SGCD: variants seen among roughly 807,000 people sequenced by gnomAD.
SGCD encodes delta-sarcoglycan.
A neutral mutation model predicts 36.6 loss-of-function variants in SGCD; 18 were observed. That is an observed-to-expected ratio of 0.49 (90% CI 0.34 to 0.73). The LOEUF (loss-of-function observed/expected upper bound fraction) is 0.73. Ranked by LOEUF, SGCD falls within the 30% of genes least tolerant of loss-of-function variation. The probability of loss-of-function intolerance (pLI) is 0.01; values close to 1 mark genes in which losing one functional copy is unlikely to be tolerated. For missense variants in SGCD, 387 were observed against 346.7 expected, an observed-to-expected ratio of 1.12 and a Z score of -0.92; for synonymous variants, 133 against 130.6, an observed-to-expected ratio of 1.02 and a Z score of -0.12.
At chr5:156,122,764 C>A (rs183211888) in intron 2 of SGCD, among the ~76,000 whole-genome samples, 1 of 141,614 alleles carries the variant, frequency 7.1e-6, no homozygotes. Context: ...GAGTACCAGC[C>A]CTAGTCTGAG....
chr5:155,744,277 C>T, the SGCD span, among the ~76,000 whole-genome samples: 6 of 152,030 alleles, frequency 3.9e-5, no homozygotes, highest in African/African-American at 7.2e-5. Flanking sequence ...CTGGCTAACA[C>T]GGTGAAACCT....
chr5:156,299,714 C>T (rs1581228171), intron 3 of SGCD, among the ~76,000 whole-genome samples: 1 of 152,044 alleles, frequency 6.6e-6, no homozygotes, highest in Admixed American at 6.6e-5. Flanking sequence ...AATGGGATTA[C>T]TTTCTTGATT....
rs1338125947 is a variant in SGCD at position 156,130,371 on chromosome 5, T to G, written c.-44+6352T>G. Among the ~76,000 whole-genome samples, 6 of 152,384 alleles carry G rather than the reference T, an allele frequency of 3.9e-5. No individual in the cohort carries two copies. In the East Asian group the frequency reaches 1.2e-3, roughly 29 times the overall value. Reference sequence around the variant, plus strand: ...CTTGTAAATTTAACTTCCTTGTAGATGCTGGACATTAGACCTTTGTCATAT... The same window carrying G: ...CTTGTAAATTTAACTTCCTTGTAGAGGCTGGACATTAGACCTTTGTCATAT... On this transcript the variant is annotated intron_variant, in intron 3 of 9. Coordinates refer to the SGCD transcript ENST00000517913.
chr5:155,986,283 T>C (rs983929357), intron 1 of SGCD, among the ~76,000 whole-genome samples: 1 of 152,244 alleles, frequency 6.6e-6, no homozygotes, highest in Non-Finnish European at 1.5e-5. Context: ...AAGGTTCTTA[T>C]GCTCCTGAAC....
chr5:156,299,833 T>C (rs1767002740), intron 3 of SGCD, among the ~76,000 whole-genome samples: 1 of 152,190 alleles, frequency 6.6e-6, no homozygotes, highest in Non-Finnish European at 1.5e-5. Flanking sequence ...AATCTTTTTT[T>C]GGTGGAGTCT....
intron 1 of SGCD, among the ~76,000 whole-genome samples, chr5:155,892,971 G>A (rs1395816950): frequency 6.6e-6 from 1 of 152,166 alleles, no homozygotes; most frequent in Non-Finnish European, 1.5e-5. Context: ...GCGGTGGTTT[G>A]GGAGGAAGAG....
At chr5:156,634,464 A>C (rs895060983) in intron 6 of SGCD, among the ~76,000 whole-genome samples, 1 of 145,032 alleles carries the variant, frequency 6.9e-6, no homozygotes, top group Non-Finnish European at 1.5e-5. Flanking sequence ...AACAGCAACA[A>C]CAACAACAAC....
intron 4 of SGCD, 46 bp downstream of exon 4, chr5:156,508,748 C>A: frequency 8.8e-7 from 1 of 1,138,460 alleles, no homozygotes; most frequent in Non-Finnish European, 1.3e-6. Context: ...GCTCTAGAAT[C>A]TAAATCTGGA....
chr5:156,166,091 T>C (rs1009377023), intron 3 of SGCD, among the ~76,000 whole-genome samples: 4 of 150,152 alleles, frequency 2.7e-5, no homozygotes, highest in African/African-American at 9.8e-5. Flanking sequence ...GGTGTCTGTA[T>C]TATTTGTAGT....
the SGCD span, among the ~76,000 whole-genome samples, chr5:155,821,807 G>C: frequency 6.6e-6 from 1 of 152,122 alleles, no homozygotes; most frequent in Non-Finnish European, 1.5e-5. Context: ...TGGTTTTAAT[G>C]CTATTAATTA....
At chr5:156,526,282 C>T (rs1434962357) in intron 4 of SGCD, among the ~76,000 whole-genome samples, 1 of 152,110 alleles carries the variant, frequency 6.6e-6, no homozygotes, top group East Asian at 1.9e-4. Context: ...TGAGAACTAT[C>T]ATGGGATGGC....
At chr5:156,299,935 T>C (rs1052516349) in intron 3 of SGCD, among the ~76,000 whole-genome samples, 2 of 152,116 alleles carry the variant, frequency 1.3e-5, no homozygotes, top group Non-Finnish European at 2.9e-5. Context: ...CTTTCTCTTG[T>C]CTGGTTGCTC....
At chr5:155,790,744 G>A in the SGCD span, among the ~76,000 whole-genome samples, 1 of 152,038 alleles carries the variant, frequency 6.6e-6, no homozygotes, top group Non-Finnish European at 1.5e-5. Flanking sequence ...TTGTTCCTCT[G>A]TGTCTTTTAT....
intron 3 of SGCD, among the ~76,000 whole-genome samples, chr5:156,361,805 G>A (rs1453823136): frequency 2.0e-5 from 3 of 152,178 alleles, no homozygotes; most frequent in African/African-American, 7.2e-5. Flanking sequence ...CTATTCTGGT[G>A]CATGAGATGG....
chr5:156,526,007 G>T (rs1454520934), intron 4 of SGCD, among the ~76,000 whole-genome samples: 1 of 151,996 alleles, frequency 6.6e-6, no homozygotes, highest in African/African-American at 2.4e-5. Context: ...AATATAATTT[G>T]TAATCAGGAC....
intron 3 of SGCD, among the ~76,000 whole-genome samples, chr5:156,175,420 AT>A (rs372845180): frequency 2.3e-4 from 35 of 151,282 alleles, no homozygotes; most frequent in Middle Eastern, 6.8e-3. Context: ...GAAAAAAAAA[AT>A]ATTCGTGTAC....
chr5:156,635,621 A>C (rs1412024993), intron 6 of SGCD, among the ~76,000 whole-genome samples: 1 of 152,140 alleles, frequency 6.6e-6, no homozygotes, highest in African/African-American at 2.4e-5. Context: ...AATAGCAAAG[A>C]CTTGGAACCA....
At chr5:156,616,319 G>A (rs12109586) in intron 6 of SGCD, among the ~76,000 whole-genome samples, 2,476 of 152,296 alleles carry the variant, frequency 0.016, 67 homozygotes, top group African/African-American at 0.056. Flanking sequence ...GGTTAGCAAA[G>A]CCTAGGTCAT....
chr5:155,812,013 C>G, the SGCD span, among the ~76,000 whole-genome samples: 10 of 152,132 alleles, frequency 6.6e-5, no homozygotes, highest in Non-Finnish European at 1.5e-4. Flanking sequence ...CACAGTCTTT[C>G]CATAATCTAT....
Sources: gnomAD v4.1 joint callset for allele counts (sites outside exome capture counted in the v4.1 genomes callset) on GRCh38, gnomAD v4.1.1 for gene constraint, MANE v1.5 for transcripts, NCBI Gene and HGNC (gene_info 2026-07-23, HGNC 2026-07-21) for gene names.